Variants in CYP4Z1 observed in about 807,000 individuals in gnomAD.
The protein encoded by CYP4Z1 is cytochrome P450 4Z1.
A neutral mutation model predicts 54.2 loss-of-function variants in CYP4Z1; 41 were observed. The observed-to-expected ratio is 0.76, with a 90% CI of 0.59 to 0.98. The LOEUF (loss-of-function observed/expected upper bound fraction) is 0.98. CYP4Z1 is among the 50% of genes least tolerant of loss of function. The pLI is 0.00. For missense variants in CYP4Z1, 513 were observed against 599.0 expected (o/e 0.86, Z 1.50); for synonymous variants, 163 against 206.2 (o/e 0.79, Z 1.79).
chr1:47,069,862 G>T (rs1644479297), intron 2 of CYP4Z1, among the ~76,000 whole-genome samples: 1 of 127,944 alleles, frequency 7.8e-6, no homozygotes. Context: ...TCCCTCTCTT[G>T]CTTTTTTTCT....
At chr1:47,057,925 A>C in the CYP4Z1 span, among the ~76,000 whole-genome samples, 1 of 151,968 alleles carries the variant, frequency 6.6e-6, no homozygotes, top group African/African-American at 2.4e-5. Flanking sequence ...TTTGGATTCT[A>C]GTTTTCTGAA....
chr1:47,063,130 G>A (rs887505742), upstream of CYP4Z1, among the ~76,000 whole-genome samples: 1 of 152,090 alleles, frequency 6.6e-6, no homozygotes. Context: ...AGACCCAGAA[G>A]AGCAAAAATA....
At chr1:47,077,743 C>T (rs1644536102) in intron 2 of CYP4Z1, among the ~76,000 whole-genome samples, 1 of 151,734 alleles carries the variant, frequency 6.6e-6, no homozygotes, top group African/African-American at 2.4e-5. Context: ...ACTTCAGCCT[C>T]CTGAGCAGTT....
chr1:47,059,307 ATAG>A, the CYP4Z1 span, among the ~76,000 whole-genome samples: 1 of 152,204 alleles, frequency 6.6e-6, no homozygotes, highest in African/African-American at 2.4e-5. Flanking sequence ...AGTTGCAGCT[ATAG>A]AAGGTTACCA....
intron 8 of CYP4Z1, among the ~76,000 whole-genome samples, chr1:47,103,244 A>T (rs548390827): frequency 1.3e-4 from 20 of 151,914 alleles, no homozygotes; most frequent in South Asian, 6.3e-4. Flanking sequence ...TAGTGGCATG[A>T]TCATAGCTCA....
intron 8 of CYP4Z1, among the ~76,000 whole-genome samples, chr1:47,102,880 T>C (rs1292771590): frequency 6.6e-6 from 1 of 152,174 alleles, no homozygotes; most frequent in Non-Finnish European, 1.5e-5. Context: ...TTATTAGACT[T>C]ATGAAGTTGT....
intron 8 of CYP4Z1, among the ~76,000 whole-genome samples, chr1:47,103,229 G>C (rs1285262185): frequency 6.6e-6 from 1 of 151,856 alleles, no homozygotes; most frequent in Admixed American, 6.6e-5. Context: ...ACCCAGGCTG[G>C]AGTGTAGTGG....
intron 4 of CYP4Z1, among the ~76,000 whole-genome samples, chr1:47,084,147 G>A (rs1372051014): frequency 6.6e-6 from 1 of 152,078 alleles, no homozygotes. Context: ...ACTCTTAACT[G>A]CAAACTCTTT....
chr1:47,101,726 A>G (rs769342659), intron 8 of CYP4Z1, among the ~76,000 whole-genome samples: 2 of 152,170 alleles, frequency 1.3e-5, no homozygotes, highest in Non-Finnish European at 2.9e-5. Context: ...TTCTTCACCT[A>G]TTGGACAAAA....
intron 9 of CYP4Z1, among the ~76,000 whole-genome samples, chr1:47,114,831 C>T (rs1173835656): frequency 1.3e-5 from 2 of 152,160 alleles, no homozygotes; most frequent in Non-Finnish European, 2.9e-5. Flanking sequence ...AATAGGGACA[C>T]TTTTACACTG....
Position 47,111,090 on chromosome 1 carries a change from T to C in CYP4Z1, c.1202-4439T>C, listed in dbSNP as rs188608604. 1.1e-4 allele frequency among the ~76,000 whole-genome samples: 16 copies of C among 152,240 alleles called. No individual in the cohort carries two copies. The East Asian group carries it at 3.1e-3, about 29-fold the overall frequency. On this transcript the variant is annotated intron_variant, in intron 9 of 11. Coordinates refer to ENST00000334194, the MANE Select transcript of CYP4Z1 (RefSeq NM_178134.3). ...AGCTAGCTGGCCATGTCAGGATTGG[T>C]GAAGTTCAAAAATTAGTCTTCATAA...
chr1:47,103,515 G>A (rs1263411402), intron 8 of CYP4Z1, among the ~76,000 whole-genome samples: 2 of 150,602 alleles, frequency 1.3e-5, no homozygotes, highest in Admixed American at 1.3e-4. Flanking sequence ...CTCATATCCT[G>A]AATTTCTTGT....
intron 2 of CYP4Z1, among the ~76,000 whole-genome samples, chr1:47,076,764 G>A (rs1459702603): frequency 6.8e-6 from 1 of 146,580 alleles, no homozygotes; most frequent in Admixed American, 6.9e-5. Flanking sequence ...AGAATGGCGT[G>A]AACCCAGGAG....
At chr1:47,105,925 G>C (rs888731682) in intron 8 of CYP4Z1, among the ~76,000 whole-genome samples, 2 of 151,924 alleles carry the variant, frequency 1.3e-5, no homozygotes, top group Non-Finnish European at 2.9e-5. Context: ...CTGCGGGGGG[G>C]GGAGAATCAC....
At position 47,106,218 on chromosome 1, in the gene CYP4Z1, C is replaced by G. The variant is rs1487575384; in HGVS notation, c.1158C>G (p.Leu386=). ...YAPVVNISRL[L]DKPITFPDGR... ...CGGTAGTAAACATATCCCGGTTACT[C>G]GACAAACCCATCACCTTTCCAGATG... Residue 386 remains leucine (L), a synonymous_variant, in exon 9 of 12, where the codon CTC becomes CTG. Transcript: ENST00000334194. 2 of 1,613,668 alleles carry G rather than the reference C, an allele frequency of 1.2e-6. No homozygotes were observed. The highest frequency in any genetic ancestry group is 2.7e-5 in the African/African-American group (2 of 74,940).
Position 47,082,364 on chromosome 1 carries a change from A to T in CYP4Z1, c.395A>T (p.Lys132Ile). 2 of 1,612,318 alleles carry T rather than the reference A, an allele frequency of 1.2e-6. No individual in the cohort carries two copies. The highest frequency in any genetic ancestry group is 1.7e-6 in the Non-Finnish European group (2 of 1,179,344). The change falls in exon 4 of 12, where the codon AAA (lysine) becomes ATA (isoleucine). Residue 132 changes from lysine (K) to isoleucine (I), a missense_variant. Transcript: ENST00000334194. ...GGACTTGTGACCCTGGATGGTTCTA[A>T]ATGGAAAAAGCACCGCCAGATTGTG... ...GRGLVTLDGS[K>I]WKKHRQIVKP...
intron 9 of CYP4Z1, among the ~76,000 whole-genome samples, chr1:47,114,644 C>T (rs1424078150): frequency 1.3e-5 from 2 of 152,092 alleles, no homozygotes; most frequent in Non-Finnish European, 2.9e-5. Context: ...AGGATATGAA[C>T]AGACACTTCT....
At chr1:47,117,520 G>C (rs550160654) in intron 11 of CYP4Z1, among the ~76,000 whole-genome samples, 9 of 152,066 alleles carry the variant, frequency 5.9e-5, no homozygotes, top group Non-Finnish European at 1.2e-4. Flanking sequence ...GGAGGCCAAG[G>C]TAGGCGGATT....
chr1:47,115,487 C>G (rs1309362365), intron 9 of CYP4Z1, 42 bp from the exon 10 acceptor site: 1 of 1,538,566 alleles, frequency 6.5e-7, no homozygotes, highest in Non-Finnish European at 8.9e-7. Context: ...AAGACAGAAT[C>G]TTCGCTCATG....
Sources: gnomAD v4.1 joint callset for allele counts (sites outside exome capture counted in the v4.1 genomes callset) on GRCh38, gnomAD v4.1.1 for gene constraint, MANE v1.5 for transcripts, NCBI Gene and HGNC (gene_info 2026-07-23, HGNC 2026-07-21) for gene names.